Variants in ANK3 observed in about 807,000 individuals in gnomAD.
ANK3 encodes the protein ankyrin-3.
Under a neutral mutation model 370.9 loss-of-function variants are expected in ANK3, and 57 were observed. That is an observed-to-expected ratio of 0.15 (90% CI 0.12 to 0.19). The LOEUF is 0.19. ANK3 is among the 10% of genes least tolerant of loss of function. The pLI is 1.00. For missense variants in ANK3, 4,439 were observed against 5,302.1 expected, an observed-to-expected ratio of 0.84 and a Z score of 5.06; for synonymous variants, 1,929 against 1,946.3, an observed-to-expected ratio of 0.99 and a Z score of 0.23.
intron 1 of ANK3, among the ~76,000 whole-genome samples, chr10:60,353,223 G>T (rs546309440): frequency 6.7e-6 from 1 of 149,792 alleles, no homozygotes; most frequent in East Asian, 2.0e-4. Flanking sequence ...AAACCCCTGA[G>T]CTCAAGCGAT....
At chr10:60,722,457 T>C (rs1239228481) in intron 1 of ANK3, among the ~76,000 whole-genome samples, 1 of 151,508 alleles carries the variant, frequency 6.6e-6, no homozygotes, top group Non-Finnish European at 1.5e-5. Flanking sequence ...ATAAAAAAAT[T>C]AAAAATTAAA....
At chr10:60,561,332 T>C (rs1022799238) in intron 2 of ANK3, among the ~76,000 whole-genome samples, 8 of 152,344 alleles carry the variant, frequency 5.3e-5, no homozygotes, top group Admixed American at 1.3e-4. Flanking sequence ...CTGATGTACA[T>C]ATTTTTATTT....
At chr10:60,088,427 A>G (rs541635652) in intron 28 of ANK3, 69 bp from the exon 29 acceptor site, 432 of 1,384,572 alleles carry the variant, frequency 3.1e-4, no homozygotes, top group Non-Finnish European at 4.2e-4. Context: ...AGTCAAAATG[A>G]TATATCTTTT....
chr10:60,130,763 C>T (rs2094018119), intron 25 of ANK3, among the ~76,000 whole-genome samples: 1 of 152,120 alleles, frequency 6.6e-6, no homozygotes, highest in African/African-American at 2.4e-5. Flanking sequence ...TTAGCCTTTT[C>T]CTTCTCCTCT....
chr10:60,731,294 A>T (rs1456510126), intron 1 of ANK3, among the ~76,000 whole-genome samples: 2 of 152,226 alleles, frequency 1.3e-5, no homozygotes, highest in Non-Finnish European at 2.9e-5. Flanking sequence ...AAACACCACC[A>T]CAAAAATGCA....
At position 60,587,138 on chromosome 10, in the gene ANK3, GT is replaced by G. The variant is rs774564256; in HGVS notation, c.96+28047del. Reference sequence around the variant, plus strand: ...GGCAGCAAGAGAGAGAAGAAAGCATGTGTAGAAGGAACTATCACTTATAAAG... The same window carrying G: ...GGCAGCAAGAGAGAGAAGAAAGCATGGTAGAAGGAACTATCACTTATAAAG... On this transcript the variant is annotated intron_variant, in intron 2 of 43. Coordinates refer to the ANK3 transcript ENST00000373827. Among the ~76,000 whole-genome samples the G allele has an allele frequency of 2.0e-3, 307 of 152,278 alleles. 3 individuals carry two copies. Among genetic ancestry groups the G allele is most frequent in the Middle Eastern group, 3.4e-3 (1 of 294 alleles).
At chr10:60,122,997 C>G (rs1161120343) in intron 25 of ANK3, among the ~76,000 whole-genome samples, 1 of 152,202 alleles carries the variant, frequency 6.6e-6, no homozygotes, top group Non-Finnish European at 1.5e-5. Context: ...ATGGTAAGGA[C>G]TGACCTAGGC....
chr10:60,241,914 T>C (rs188359624), intron 7 of ANK3, among the ~76,000 whole-genome samples: 77 of 152,280 alleles, frequency 5.1e-4, no homozygotes, highest in African/African-American at 1.7e-3. Context: ...ATTCAGAAAT[T>C]TGACTGAGCA....
chr10:60,667,248 G>C (rs1015965556), intron 1 of ANK3, among the ~76,000 whole-genome samples: 30 of 148,242 alleles, frequency 2.0e-4, no homozygotes, highest in Non-Finnish European at 3.7e-4. Context: ...AAAAGTGTAA[G>C]AGCCACCCCA....
Position 60,481,602 on chromosome 10 carries a change from A to G in ANK3, c.96+133584T>C, listed in dbSNP as rs2075218516. On this transcript the variant is annotated intron_variant, in intron 2 of 43. Coordinates refer to the ANK3 transcript ENST00000373827. ...CTCAGCCTCCTGAGTAGCTGGGATC[A>G]CAGGTGCCTGCCACCATGCCCGGCT... Among the ~76,000 whole-genome samples, 3 of 152,124 alleles carry G rather than the reference A, an allele frequency of 2.0e-5. No homozygotes were observed. The South Asian group carries it at 6.2e-4, about 32-fold the overall frequency.
chr10:60,330,990 A>G lies in ANK3; in HGVS notation c.115-51351T>C, dbSNP rs185553415. On this transcript the variant is annotated intron_variant, in intron 1 of 43. Coordinates refer to ENST00000280772, the MANE Select transcript of ANK3 (RefSeq NM_020987.5). ...AGGGACATGGATGAAGCTGGAAATC[A>G]TTATTCTCAGCAAACTAACCACAGG... Among the ~76,000 whole-genome samples, 71 of 152,302 alleles carry G rather than the reference A, an allele frequency of 4.7e-4. No individual in the cohort carries two copies. The Middle Eastern group carries it at 0.017, about 36-fold the overall frequency.
At chr10:60,634,521 A>C (rs1184229183) in intron 1 of ANK3, among the ~76,000 whole-genome samples, 1 of 152,004 alleles carries the variant, frequency 6.6e-6, no homozygotes, top group Admixed American at 6.6e-5. Context: ...AACAATTGGC[A>C]CTCTGTAAAA....
chr10:60,150,770 G>A (rs1424478392), intron 23 of ANK3, among the ~76,000 whole-genome samples: 1 of 152,004 alleles, frequency 6.6e-6, no homozygotes, highest in Non-Finnish European at 1.5e-5. Context: ...GAAGCTTCCT[G>A]AGGCCTCACC....
chr10:60,686,133 A>G (rs752145814), intron 1 of ANK3, among the ~76,000 whole-genome samples: 1 of 152,164 alleles, frequency 6.6e-6, no homozygotes, highest in Non-Finnish European at 1.5e-5. Flanking sequence ...GTGTGTATGG[A>G]GGTCACTATT....
chr10:60,563,853 T>C (rs1822261), intron 2 of ANK3, among the ~76,000 whole-genome samples: 105,058 of 151,958 alleles, frequency 0.69, 36,752 homozygotes, highest in South Asian at 0.88. Context: ...CTCCAGTAAA[T>C]CTATCTCACT....
At chr10:60,709,319 AT>A (rs1210136257) in intron 1 of ANK3, among the ~76,000 whole-genome samples, 1 of 151,614 alleles carries the variant, frequency 6.6e-6, no homozygotes, top group Non-Finnish European at 1.5e-5. Context: ...ATCTATATCT[AT>A]ATCTATATCT....
chr10:60,085,412 C>T (rs1197912255), intron 30 of ANK3, among the ~76,000 whole-genome samples, 159 bp from the exon 31 acceptor site: 1 of 152,154 alleles, frequency 6.6e-6, no homozygotes, highest in Admixed American at 6.5e-5. Flanking sequence ...CCTCTCTACT[C>T]TCCTTTTATA....
intron 23 of ANK3, among the ~76,000 whole-genome samples, chr10:60,154,964 C>T (rs2095282596): frequency 1.3e-5 from 2 of 152,020 alleles, no homozygotes; most frequent in Non-Finnish European, 2.9e-5. Context: ...CCAAAAGAAA[C>T]AGAGGAAGGT....
At chr10:60,640,971 T>C (rs1380176492) in intron 1 of ANK3, among the ~76,000 whole-genome samples, 1 of 132,852 alleles carries the variant, frequency 7.5e-6, no homozygotes, top group Non-Finnish European at 1.6e-5. Flanking sequence ...TCACAAGCAT[T>C]CTTATATACC....
Sources: gnomAD v4.1 joint callset for allele counts (sites outside exome capture counted in the v4.1 genomes callset) on GRCh38, gnomAD v4.1.1 for gene constraint, MANE v1.5 for transcripts, NCBI Gene and HGNC (gene_info 2026-07-23, HGNC 2026-07-21) for gene names.